The following MARCKSL1 variants were observed in gnomAD, a reference collection of about 807,000 sequenced individuals.
The protein encoded by MARCKSL1 is MARCKS like 1, also known as MARCKS-related protein.
MARCKSL1 carries 5 observed loss-of-function variants against 13.3 expected under a neutral mutation model. The ratio of observed to expected loss-of-function variants is 0.38; its 90% confidence interval spans 0.20 to 0.79. The LOEUF is 0.79. MARCKSL1 is among the 30% of genes least tolerant of loss of function. The pLI, the probability that MARCKSL1 is intolerant of heterozygous loss-of-function variation, is 0.45. For missense variants in MARCKSL1, 274 were observed against 251.6 expected, an observed-to-expected ratio of 1.09 and a Z score of -0.60; for synonymous variants, 126 against 103.2, an observed-to-expected ratio of 1.22 and a Z score of -1.34.
rs151115074 is a variant in MARCKSL1 at position 32,334,837 on chromosome 1, A to G, written c.348T>C (p.Ser116=). ...CTTCCTCTGTGGGTGAGGAGGCAGA[A>G]GAATCACCCCCACCCTCCTTCCGAT... is the stretch of plus-strand genomic sequence containing the variant. ...KRNRKEGGGD[S]SASSPTEEEQ... Residue 116 remains serine, a synonymous_variant, in exon 2 of 2, where the codon TCT becomes TCC. Coordinates refer to ENST00000329421, the MANE Select transcript of MARCKSL1 (RefSeq NM_023009.7). 3.9e-5 allele frequency: 63 copies of G among 1,612,340 alleles called. No individual in the cohort carries two copies. In the African/African-American group the frequency reaches 7.3e-4, roughly 19 times the overall value.
Position 32,334,848 on chromosome 1 carries a change from C to T in MARCKSL1, c.337G>A (p.Gly113Arg). The T allele has an allele frequency of 6.2e-7, 1 of 1,612,500 alleles. No individual in the cohort carries two copies. Among genetic ancestry groups the T allele is most frequent in the Non-Finnish European group, 8.5e-7 (1 of 1,180,002 alleles). Residue 113 changes from glycine to arginine, a missense_variant, in exon 2 of 2, where the codon GGG becomes AGG. Physicochemically the swap from Gly to Arg is moderately radical, Grantham distance 125 (BLOSUM62 -2). Coordinates refer to ENST00000329421, the MANE Select transcript of MARCKSL1 (RefSeq NM_023009.7). ...LSFKRNRKEGGGDSSASSPTE... is the reference protein window; with the variant it reads ...LSFKRNRKEGRGDSSASSPTE... ...GGTGAGGAGGCAGAAGAATCACCCC[C>T]ACCCTCCTTCCGATTTCTCTTGAAG...
Position 32,335,083 on chromosome 1 carries a change from C to T in MARCKSL1, c.102G>A (p.Val34=). The T allele has an allele frequency of 1.3e-6, 2 of 1,525,754 alleles. No individual in the cohort carries two copies. Among genetic ancestry groups the T allele is most frequent in the Non-Finnish European group, 8.8e-7 (1 of 1,138,676 alleles). 94.5% of individuals were successfully genotyped at this position (1,525,754 alleles called of 1,614,324 possible). The change falls in exon 2 of 2, where the codon GTG becomes GTA. Residue 34 remains valine, a synonymous_variant. Coordinates refer to ENST00000329421, the MANE Select transcript of MARCKSL1 (RefSeq NM_023009.7). This position sits in a 1 kb window ranked among gnomAD's most constrained non-coding sequence, Gnocchi z 4.1. ...TGGGGGATAAGTCTCCATTGCTTTT[C>T]ACGTGGCCATTCTCCTGCAGGGCAG... is the stretch of plus-strand genomic sequence containing the variant. ...AKANGQENGH[V]KSNGDLSPKG... is the part of the protein sequence containing the mutation.
At position 32,334,980 on chromosome 1, in the gene MARCKSL1, G is replaced by C. The variant is rs759631231; in HGVS notation, c.205C>G (p.Pro69Ala). 1.2e-5 allele frequency: 20 copies of C among 1,610,358 alleles called. No homozygotes were observed. The highest frequency in any genetic ancestry group is 1.7e-5 in the Non-Finnish European group (20 of 1,178,602). Residue 69 changes from proline (P) to alanine (A), a missense_variant, in exon 2 of 2, where the codon CCC (proline) becomes GCC (alanine). By Grantham distance (27) the Pro-to-Ala change is conservative. Coordinates refer to ENST00000329421, the MANE Select transcript of MARCKSL1 (RefSeq NM_023009.7). ...TTGGCCTCAGCACCCTGGCTAGGGG[G>C]TGCTGGCTCGATGGCATCGCCAGTG... ...GATGDAIEPA[P>A]PSQGAEAKGE...
At position 32,336,057 on chromosome 1, in the gene MARCKSL1, T is replaced by C. The variant is rs752465520; in HGVS notation, c.-24A>G. The C allele has an allele frequency of 4.0e-6, 5 of 1,246,232 alleles. No homozygotes were observed. The highest frequency in any genetic ancestry group is 3.1e-5 in the African/African-American group (2 of 64,036). The allele number at this position is 1,246,232 out of a possible 1,614,324, so 77.2% of individuals were successfully genotyped here. A position where few individuals can be genotyped will look rare whatever the true frequency, so the allele number is the denominator to read the frequency against. ...ATGATGGGGGTCTGCTGGGGGGCGCTTGGAGCCGCCCCGGGCTCGCGCCGC... is the reference window on the plus strand; with the variant it reads ...ATGATGGGGGTCTGCTGGGGGGCGCCTGGAGCCGCCCCGGGCTCGCGCCGC... On this transcript the variant is annotated 5_prime_UTR_variant, in exon 1 of 2. Transcript: ENST00000329421.
Position 32,333,986 on chromosome 1 carries a change from G to A in MARCKSL1, c.*611C>T, listed in dbSNP as rs1453044597. 6.6e-6 allele frequency: 1 copy of A among 151,730 alleles called. No individual in the cohort carries two copies. Among genetic ancestry groups the A allele is most frequent in the Non-Finnish European group, 1.5e-5 (1 of 67,958 alleles). The allele number at this position is 151,730 out of a possible 1,614,324, so 9.4% of individuals were successfully genotyped here. ...ACAACAGTGGGAGAAAAAAAGACAA[G>A]AAGTTGTTTCACATTACAGACCTCC... On this transcript the variant is annotated 3_prime_UTR_variant, in exon 2 of 2. Coordinates refer to ENST00000329421, the MANE Select transcript of MARCKSL1 (RefSeq NM_023009.7).
Position 32,335,327 on chromosome 1 carries a change from T to TG in MARCKSL1, c.88-231dup, listed in dbSNP as rs1375673683. 6.6e-6 allele frequency among the ~76,000 whole-genome samples: 1 copy of TG among 151,942 alleles called. No individual in the cohort carries two copies. Among genetic ancestry groups the TG allele is most frequent in the Non-Finnish European group, 1.5e-5 (1 of 67,922 alleles). ...ACCGGCAGGAGGCGCTGGGGTCCCGTGGCCCCCACCCCCGTCCCCCGGGGC... is the reference window on the plus strand; with the variant it reads ...ACCGGCAGGAGGCGCTGGGGTCCCGTGGGCCCCCACCCCCGTCCCCCGGGGC... On this transcript the variant is annotated intron_variant, in intron 1 of 1. Transcript: ENST00000329421. This position sits in a 1 kb window ranked among gnomAD's most constrained non-coding sequence, Gnocchi z 4.1.
Position 32,335,743 on chromosome 1 carries a change from G to A in MARCKSL1, c.87+204C>T, listed in dbSNP as rs1431711499. Among the ~76,000 whole-genome samples the A allele has an allele frequency of 6.6e-6, 1 of 150,978 alleles. No individual in the cohort carries two copies. The highest frequency in any genetic ancestry group is 2.4e-5 in the African/African-American group (1 of 41,306). The stretch of plus-strand genomic sequence containing the variant: ...GGGGCCGCGAACAAAGAAGGCGGCA[G>A]GGCCCGGCCGGCGCCCCCTCCCCGC... On this transcript the variant is annotated intron_variant, in intron 1 of 1. Transcript: ENST00000329421. The surrounding 1 kb of genome is among the most constrained non-coding windows in gnomAD (Gnocchi z 4.1).
chr1:32,335,926 G>A lies in MARCKSL1; in HGVS notation c.87+21C>T, dbSNP rs761025055. On this transcript the variant is annotated intron_variant, in intron 1 of 1. Coordinates refer to ENST00000329421, the MANE Select transcript of MARCKSL1 (RefSeq NM_023009.7). The surrounding 1 kb of genome is among the most constrained non-coding windows in gnomAD (Gnocchi z 4.1). ...AGGTGCGAGAGGAGGGGCTGGGGCC[G>A]GCCGGGCCAAGCGTACCCACCTGGC... 5 of 1,274,358 alleles carry A rather than the reference G, an allele frequency of 3.9e-6. No homozygotes were observed. The highest frequency in any genetic ancestry group is 5.8e-5 in the East Asian group (2 of 34,470). 78.9% of individuals were successfully genotyped at this position (1,274,358 alleles called of 1,614,324 possible).
At position 32,334,883 on chromosome 1, in the gene MARCKSL1, C is replaced by T; in HGVS notation, c.302G>A (p.Ser101Asn). ...KFSFKKPFKL[S>N]GLSFKRNRKE... The stretch of plus-strand genomic sequence containing the variant: ...CCGATTTCTCTTGAAGGACAGGCCG[C>T]TCAATTTGAAAGGCTTCTTGAAAGA... The change falls in exon 2 of 2, where the codon AGC becomes AAC. Residue 101 changes from serine (S) to asparagine (N), a missense_variant. Ser to Asn is a conservative substitution (Grantham distance 46, BLOSUM62 1). Coordinates refer to ENST00000329421, the MANE Select transcript of MARCKSL1 (RefSeq NM_023009.7). 1 of 1,612,676 alleles carries T rather than the reference C, an allele frequency of 6.2e-7. No homozygotes were observed. The highest frequency in any genetic ancestry group is 8.5e-7 in the Non-Finnish European group (1 of 1,179,994).
Position 32,334,283 on chromosome 1 carries a change from G to A in MARCKSL1, c.*314C>T, listed in dbSNP as rs2148075423. On this transcript the variant is annotated 3_prime_UTR_variant, in exon 2 of 2. Coordinates refer to ENST00000329421, the MANE Select transcript of MARCKSL1 (RefSeq NM_023009.7). ...ACCTACTTGGAAAAGAATTGGGGAA[G>A]AAAACCAACAACTGCCTTATGCAGG... is the stretch of plus-strand genomic sequence containing the variant. 3.7e-6 allele frequency: 1 copy of A among 268,236 alleles called. No individual in the cohort carries two copies. Among genetic ancestry groups the A allele is most frequent in the South Asian group, 1.5e-4 (1 of 6,656 alleles). 16.6% of individuals were successfully genotyped at this position (268,236 alleles called of 1,614,324 possible).
Position 32,335,152 on chromosome 1 carries a change from C to T in MARCKSL1, c.88-55G>A, listed in dbSNP as rs1198802004. ...CAGGGGCTCCCCCTCCCCCAGCCCG[C>T]TTCTGATCCCTTCTAGAGGAAGGGG... is the stretch of plus-strand genomic sequence containing the variant. On this transcript the variant is annotated intron_variant, in intron 1 of 1. Coordinates refer to ENST00000329421, the MANE Select transcript of MARCKSL1 (RefSeq NM_023009.7). This position sits in a 1 kb window ranked among gnomAD's most constrained non-coding sequence, Gnocchi z 4.1. 2.0e-6 allele frequency: 3 copies of T among 1,488,974 alleles called. No individual in the cohort carries two copies. Among genetic ancestry groups the T allele is most frequent in the Admixed American group, 4.7e-5 (2 of 42,130 alleles). 92.2% of individuals were successfully genotyped at this position (1,488,974 alleles called of 1,614,324 possible).
rs899524654 is a variant in MARCKSL1, at chr1:32,335,126, G to A, written c.88-29C>T. ...CAGGGCAGAGGGAATAGCAATGAGG[G>A]CAGGGGCTCCCCCTCCCCCAGCCCG... On this transcript the variant is annotated intron_variant, in intron 1 of 1. Coordinates refer to ENST00000329421, the MANE Select transcript of MARCKSL1 (RefSeq NM_023009.7). This position sits in a 1 kb window ranked among gnomAD's most constrained non-coding sequence, Gnocchi z 4.1. 1.3e-5 allele frequency: 19 copies of A among 1,504,678 alleles called. No individual in the cohort carries two copies. Among genetic ancestry groups the A allele is most frequent in the African/African-American group, 7.0e-5 (5 of 71,340 alleles). The allele number at this position is 1,504,678 out of a possible 1,614,324, so 93.2% of individuals were successfully genotyped here.
rs1224400741 is a variant in MARCKSL1, at chr1:32,334,488, C to T, written c.*109G>A. ...CGTGGCTGGGAGGAGGCAATAGCCC[C>T]TTCCTTTCTGGGCACAGGAAGGCAG... On this transcript the variant is annotated 3_prime_UTR_variant, in exon 2 of 2. Coordinates refer to ENST00000329421, the MANE Select transcript of MARCKSL1 (RefSeq NM_023009.7). 3.0e-5 allele frequency: 41 copies of T among 1,361,246 alleles called. No homozygotes were observed. Among genetic ancestry groups the T allele is most frequent in the Admixed American group, 7.9e-5 (3 of 37,946 alleles). The allele number at this position is 1,361,246 out of a possible 1,614,324, so 84.3% of individuals were successfully genotyped here.
rs1238939238 is a variant in MARCKSL1, at chr1:32,334,178, G to A, written c.*419C>T. On this transcript the variant is annotated 3_prime_UTR_variant, in exon 2 of 2. Coordinates refer to ENST00000329421, the MANE Select transcript of MARCKSL1 (RefSeq NM_023009.7). ...ACAGCACAAGAGACTAAAAACAACA[G>A]GGGAAGGCTGGACACTCAAGGTTTG... 3 of 159,744 alleles carry A rather than the reference G, an allele frequency of 1.9e-5. No individual in the cohort carries two copies. Among genetic ancestry groups the A allele is most frequent in the African/African-American group, 7.2e-5 (3 of 41,718 alleles). 9.9% of individuals were successfully genotyped at this position (159,744 alleles called of 1,614,324 possible).
Position 32,334,311 on chromosome 1 carries a change from T to C in MARCKSL1, c.*286A>G. 5.9e-6 allele frequency: 2 copies of C among 336,176 alleles called. No individual in the cohort carries two copies. Among genetic ancestry groups the C allele is most frequent in the East Asian group, 4.7e-5 (1 of 21,458 alleles). 20.8% of individuals were successfully genotyped at this position (336,176 alleles called of 1,614,324 possible). A position where few individuals can be genotyped will look rare whatever the true frequency, so the allele number is the denominator to read the frequency against. On this transcript the variant is annotated 3_prime_UTR_variant, in exon 2 of 2. Coordinates refer to ENST00000329421, the MANE Select transcript of MARCKSL1 (RefSeq NM_023009.7). ...AACCAACAACTGCCTTATGCAGGGG[T>C]GGGGACAGGGAAGGAGGTAGGGCCA...
In MARCKSL1 at chr1:32,335,988, C is replaced by T. The variant is rs777571016; in HGVS notation, c.46G>A (p.Glu16Lys). 3 of 1,294,978 alleles carry T rather than the reference C, an allele frequency of 2.3e-6. No homozygotes were observed. The highest frequency in any genetic ancestry group is 6.1e-5 in the South Asian group (2 of 32,630). The allele number at this position is 1,294,978 out of a possible 1,614,324, so 80.2% of individuals were successfully genotyped here. A position where few individuals can be genotyped will look rare whatever the true frequency, so the allele number is the denominator to read the frequency against. Residue 16 changes from glutamate (E) to lysine (K), a missense_variant, in exon 1 of 2, where the codon GAG becomes AAG. Glu to Lys is a moderately conservative substitution (Grantham distance 56, BLOSUM62 1). Transcript: ENST00000329421. The surrounding 1 kb of genome is among the most constrained non-coding windows in gnomAD (Gnocchi z 4.1). ...SKAPRGDVTA[E>K]EAAGASPAKA... ...GCGGGGGAAGCGCCTGCTGCCTCCT[C>T]GGCGGTCACGTCGCCCCGGGGAGCC... is the stretch of plus-strand genomic sequence containing the variant.
chr1:32,335,157 G>C lies in MARCKSL1; in HGVS notation c.88-60C>G. ...GCTCCCCCTCCCCCAGCCCGCTTCT[G>C]ATCCCTTCTAGAGGAAGGGGTCCTC... On this transcript the variant is annotated intron_variant, in intron 1 of 1. Coordinates refer to ENST00000329421, the MANE Select transcript of MARCKSL1 (RefSeq NM_023009.7). The surrounding 1 kb of genome is among the most constrained non-coding windows in gnomAD (Gnocchi z 4.1). The C allele has an allele frequency of 6.7e-7, 1 of 1,486,916 alleles. No homozygotes were observed. Among genetic ancestry groups the C allele is most frequent in the South Asian group, 1.4e-5 (1 of 70,534 alleles). 92.1% of individuals were successfully genotyped at this position (1,486,916 alleles called of 1,614,324 possible).
Position 32,335,094 on chromosome 1 carries a change from TCTC to T in MARCKSL1, c.88_90del (p.Glu30del). On this transcript the variant is annotated inframe_deletion and splice_region_variant, in exon 2 of 2. Transcript: ENST00000329421. The surrounding 1 kb of genome is among the most constrained non-coding windows in gnomAD (Gnocchi z 4.1). ...TCTCCATTGCTTTTCACGTGGCCAT[TCTC>T]CTGCAGGGCAGAGGGAATAGCAATG... is the stretch of plus-strand genomic sequence containing the variant. 1 of 1,522,348 alleles carries T rather than the reference TCTC, an allele frequency of 6.6e-7. No homozygotes were observed. The highest frequency in any genetic ancestry group is 8.8e-7 in the Non-Finnish European group (1 of 1,136,828). 94.3% of individuals were successfully genotyped at this position (1,522,348 alleles called of 1,614,324 possible). A position where few individuals can be genotyped will look rare whatever the true frequency, so the allele number is the denominator to read the frequency against.
Position 32,335,224 on chromosome 1 carries a change from AC to A in MARCKSL1, c.88-128del. On this transcript the variant is annotated intron_variant, in intron 1 of 1. Transcript: ENST00000329421. This position sits in a 1 kb window ranked among gnomAD's most constrained non-coding sequence, Gnocchi z 4.1. ...AACCCGAAAGTCTGGCTTCAGCCTCACCCACACCCAGGATCCCGTCAAACAC... is the reference window on the plus strand; with the variant it reads ...AACCCGAAAGTCTGGCTTCAGCCTCACCACACCCAGGATCCCGTCAAACAC... 9.5e-7 allele frequency: 1 copy of A among 1,051,468 alleles called. No individual in the cohort carries two copies. The highest frequency in any genetic ancestry group is 1.3e-6 in the Non-Finnish European group (1 of 796,292). The allele number at this position is 1,051,468 out of a possible 1,614,324, so 65.1% of individuals were successfully genotyped here.
Sources: gnomAD v4.1 joint callset for allele counts (sites outside exome capture counted in the v4.1 genomes callset) on GRCh38, gnomAD v4.1.1 for gene constraint, Gnocchi (gnomAD v3.1) non-coding constraint, MANE v1.5 for transcripts, NCBI Gene and HGNC (gene_info 2026-07-23, HGNC 2026-07-21) for gene names.